ATP2C1: variants seen among roughly 807,000 people sequenced by gnomAD.
ATP2C1 encodes the protein calcium-transporting ATPase type 2C member 1.
ATP2C1 carries 31 observed loss-of-function variants against 120.5 expected under a neutral mutation model. The observed-to-expected ratio is 0.26, with a 90% CI of 0.19 to 0.35. The LOEUF is 0.35. Among genes scored for constraint, ATP2C1 ranks in the 10% least tolerant of loss-of-function variants. The pLI, the probability that ATP2C1 is intolerant of heterozygous loss-of-function variation, is 1.00. For synonymous variants in ATP2C1, 351 were observed against 358.7 expected, an observed-to-expected ratio of 0.98 and a Z score of 0.24; for missense variants, 731 against 1,107.5, an observed-to-expected ratio of 0.66 and a Z score of 4.83.
At chr3:130,990,617 A>T (rs1442196474) in intron 20 of ATP2C1, among the ~76,000 whole-genome samples, 1 of 152,154 alleles carries the variant, frequency 6.6e-6, no homozygotes, top group Non-Finnish European at 1.5e-5. Flanking sequence ...TTGAGAAGAG[A>T]CACGCGATCT....
chr3:130,911,796 C>G (rs2058429322), intron 2 of ATP2C1, among the ~76,000 whole-genome samples: 1 of 147,896 alleles, frequency 6.8e-6, no homozygotes, highest in Non-Finnish European at 1.5e-5. Context: ...ATCGCCAAGT[C>G]AATCCTAAGC....
intron 8 of ATP2C1, among the ~76,000 whole-genome samples, chr3:130,942,287 T>A (rs369758917): frequency 6.6e-6 from 1 of 152,230 alleles, no homozygotes; most frequent in Non-Finnish European, 1.5e-5. Flanking sequence ...TCAGAGGCCT[T>A]GGATACTAGG....
chr3:130,867,636 G>C lies in ATP2C1; in HGVS notation c.108+16708G>C, dbSNP rs1186573077. Among the ~76,000 whole-genome samples the C allele has an allele frequency of 4.0e-5, 6 of 151,738 alleles. No homozygotes were observed. The East Asian group carries it at 7.8e-4, about 20-fold the overall frequency. On this transcript the variant is annotated intron_variant, in intron 1 of 26. Coordinates refer to the ATP2C1 transcript ENST00000504381. ...GAGTGCAGTGGCGTGATCTTGGCTC[G>C]CTACAACCTCCACCTCCCAGCCGCC...
intron 17 of ATP2C1, among the ~76,000 whole-genome samples, chr3:130,972,069 G>A (rs1410935243): frequency 1.3e-5 from 2 of 152,174 alleles, no homozygotes; most frequent in African/African-American, 2.4e-5. Context: ...GGATGGTTTT[G>A]CGATGACACT....
chr3:130,945,501 G>A (rs2060108023), intron 8 of ATP2C1, among the ~76,000 whole-genome samples: 1 of 142,336 alleles, frequency 7.0e-6, no homozygotes, highest in Admixed American at 7.0e-5. Flanking sequence ...ATCTCCTAAT[G>A]CTGTCCCTCC....
rs1052175554 is a variant in ATP2C1 at position 131,002,966 on chromosome 3, T to G, written c.*1616T>G. The G allele has an allele frequency of 5.1e-6, 5 of 985,640 alleles. No homozygotes were observed. The highest frequency in any genetic ancestry group is 6.0e-6 in the Non-Finnish European group (5 of 829,834). The allele number at this position is 985,640 out of a possible 1,614,324, so 61.1% of individuals were successfully genotyped here. Reference sequence around the variant, plus strand: ...CTAATCAACTCTATCATTAGTGACTTGATGTCTCATACCTTAATTTTGTAA... The same window carrying G: ...CTAATCAACTCTATCATTAGTGACTGGATGTCTCATACCTTAATTTTGTAA... On this transcript the variant is annotated 3_prime_UTR_variant, in exon 28 of 28. Coordinates refer to ENST00000510168, the MANE Select transcript of ATP2C1 (RefSeq NM_001378687.1).
At chr3:130,963,937 C>G (rs1479486705) in intron 12 of ATP2C1, 34 bp from the exon 13 acceptor site, 2 of 1,611,162 alleles carry the variant, frequency 1.2e-6, no homozygotes, top group Non-Finnish European at 1.7e-6. Flanking sequence ...GCTGTTTAAC[C>G]TACATTTTAA....
In ATP2C1 at chr3:130,895,186, G is replaced by C. The variant is rs370463314; in HGVS notation, c.6+411G>C. On this transcript the variant is annotated intron_variant, in intron 2 of 27. Transcript: ENST00000510168. ...TCAAGCCTCGATGTGGTGTGTGGCAGGATTCATTTATAAGAAAGCAAGCCA... is the reference window on the plus strand; with the variant it reads ...TCAAGCCTCGATGTGGTGTGTGGCACGATTCATTTATAAGAAAGCAAGCCA... Among the ~76,000 whole-genome samples the C allele has an allele frequency of 2.7e-4, 41 of 152,292 alleles. No individual in the cohort carries two copies. The East Asian group carries it at 6.2e-3, about 23-fold the overall frequency.
At chr3:130,884,930 CTT>C (rs35931105) in intron 1 of ATP2C1, among the ~76,000 whole-genome samples, 30 of 120,854 alleles carry the variant, frequency 2.5e-4, no homozygotes, top group South Asian at 5.5e-4. Context: ...TCTTTTCTTT[CTT>C]TTTTTTTTTT....
rs2060920607 is a variant in ATP2C1 at position 130,963,564 on chromosome 3, G to C, written c.900-407G>C. 1.9e-5 allele frequency: 4 copies of C among 214,254 alleles called. No individual in the cohort carries two copies. In the South Asian group the frequency reaches 2.9e-4, roughly 16 times the overall value. The allele number at this position is 214,254 out of a possible 1,614,324, so 13.3% of individuals were successfully genotyped here. ...TACATTTATCAGTTGATGAATATTT[G>C]GCCTGTTTCCATCTTTTGGCTATCG... On this transcript the variant is annotated intron_variant, in intron 12 of 27. Transcript: ENST00000510168.
chr3:130,949,466 G>A (rs934113193), intron 8 of ATP2C1, among the ~76,000 whole-genome samples: 1 of 152,116 alleles, frequency 6.6e-6, no homozygotes, highest in East Asian at 1.9e-4. Context: ...AGATTGGTTC[G>A]TGAGGTTTAA....
At chr3:130,893,846 C>G, upstream of ATP2C1, 3 of 852,896 alleles carry the variant, frequency 3.5e-6, no homozygotes, top group Non-Finnish European at 4.2e-6. Flanking sequence ...GGGCCACCAA[C>G]CCCGAGCGAC....
At position 131,001,669 on chromosome 3, in the gene ATP2C1, ACTAT is replaced by A. The variant is rs886057984; in HGVS notation, c.*326_*329del. ...TAAAGAAGTCTAACAGTACAAATAC[ACTAT>A]CTATCTTAGATAGATATATTTTTTT... is the stretch of plus-strand genomic sequence containing the variant. On this transcript the variant is annotated 3_prime_UTR_variant, in exon 28 of 28. Coordinates refer to ENST00000510168, the MANE Select transcript of ATP2C1 (RefSeq NM_001378687.1). 2.6e-5 allele frequency: 27 copies of A among 1,035,102 alleles called. No individual in the cohort carries two copies. The highest frequency in any genetic ancestry group is 8.5e-5 in the East Asian group (1 of 11,736). 64.1% of individuals were successfully genotyped at this position (1,035,102 alleles called of 1,614,324 possible).
At chr3:130,907,417 C>G (rs564572260) in intron 2 of ATP2C1, among the ~76,000 whole-genome samples, 1 of 152,026 alleles carries the variant, frequency 6.6e-6, no homozygotes, top group African/African-American at 2.4e-5. Context: ...TTAACTCTCA[C>G]GCTTGATCCA....
chr3:130,921,201 C>A (rs946827796), intron 2 of ATP2C1, among the ~76,000 whole-genome samples: 1 of 151,676 alleles, frequency 6.6e-6, no homozygotes, highest in African/African-American at 2.4e-5. Context: ...CCTGCCTCAG[C>A]CTCCGAAGTA....
chr3:130,914,135 A>G (rs898828200), intron 2 of ATP2C1, among the ~76,000 whole-genome samples: 2 of 151,508 alleles, frequency 1.3e-5, no homozygotes, highest in African/African-American at 2.4e-5. Context: ...AAATGACTAA[A>G]TGTGAAATCA....
intron 1 of ATP2C1, among the ~76,000 whole-genome samples, chr3:130,872,601 T>C (rs77828114): frequency 6.6e-6 from 1 of 151,536 alleles, no homozygotes; most frequent in African/African-American, 2.4e-5. Context: ...TTTTTTTTTT[T>C]AAAGATGGGG....
downstream of ATP2C1, among the ~76,000 whole-genome samples, chr3:131,006,328 T>A (rs1315574001): frequency 6.6e-6 from 1 of 152,148 alleles, no homozygotes; most frequent in Non-Finnish European, 1.5e-5. Flanking sequence ...GTCAGGCTGG[T>A]CTCGAATTCC....
chr3:130,985,200 A>C (rs1362692255), intron 20 of ATP2C1, among the ~76,000 whole-genome samples: 5 of 152,264 alleles, frequency 3.3e-5, no homozygotes, highest in Non-Finnish European at 7.3e-5. Flanking sequence ...CAAAACATGC[A>C]TAAAACAAAT....
Sources: gnomAD v4.1 joint callset for allele counts (sites outside exome capture counted in the v4.1 genomes callset) on GRCh38, gnomAD v4.1.1 for gene constraint, MANE v1.5 for transcripts, NCBI Gene and HGNC (gene_info 2026-07-23, HGNC 2026-07-21) for gene names.